Variants in DNAH10 observed in about 807,000 individuals in gnomAD.
DNAH10 encodes the protein dynein axonemal heavy chain 10.
In DNAH10, 348 loss-of-function variants were observed where a neutral mutation model predicts 506.6. The observed-to-expected ratio is 0.69, with a 90% confidence interval of 0.63 to 0.75. The LOEUF (loss-of-function observed/expected upper bound fraction) is 0.75. DNAH10 is among the 30% of genes least tolerant of loss of function. The pLI is 0.00. For synonymous variants in DNAH10, 2,059 were observed against 2,198.6 expected (o/e 0.94, Z 1.78); for missense variants, 5,179 against 5,787.1 (o/e 0.89, Z 3.41).
intron 53 of DNAH10, among the ~76,000 whole-genome samples, chr12:123,894,151 C>G (rs529184920): frequency 7.2e-6 from 1 of 139,458 alleles, no homozygotes; most frequent in Admixed American, 7.8e-5. Context: ...AGTGCAGTGG[C>G]ACCATCATAG....
intron 65 of DNAH10, 127 bp from the exon 66 acceptor site, chr12:123,923,636 G>A: frequency 1.6e-6 from 1 of 609,974 alleles, no homozygotes; most frequent in Non-Finnish European, 2.8e-6. Flanking sequence ...GGTGCAAAGA[G>A]GGGTAAATGC....
At chr12:123,773,750 C>T (rs1180703498) in intron 4 of DNAH10, among the ~76,000 whole-genome samples, 2 of 152,180 alleles carry the variant, frequency 1.3e-5, no homozygotes, top group African/African-American at 2.4e-5. Flanking sequence ...TACCAAAGGC[C>T]CCACCTTCTA....
chr12:123,764,470 A>G (rs956401747), intron 1 of DNAH10, among the ~76,000 whole-genome samples: 1 of 152,168 alleles, frequency 6.6e-6, no homozygotes, highest in Non-Finnish European at 1.5e-5. Context: ...CCACCACTGC[A>G]GGAACTCGGG....
chr12:123,789,085 G>T (rs1175766741), intron 10 of DNAH10, among the ~76,000 whole-genome samples: 2 of 151,766 alleles, frequency 1.3e-5, no homozygotes, highest in Non-Finnish European at 2.9e-5. Context: ...CTGTCTCTAT[G>T]AAAAATACAA....
rs1594432807 is a variant in DNAH10, at chr12:123,935,471, A to G, written c.13760A>G (p.Asn4587Ser). Residue 4587 changes from asparagine to serine, a missense_variant, in exon 79 of 79, where the codon AAT (asparagine) becomes AGT (serine). Coordinates refer to ENST00000673944, the MANE Select transcript of DNAH10 (RefSeq NM_001372106.1). ...CTGCAAGGAGTATGCCTCACCCTGA[A>G]TTCTGATTAACCTTTGGGTGAAGAA... Reference protein sequence around the residue: ...WVLQGVCLTLNSD With the variant: ...WVLQGVCLTLSSD 1 of 1,586,172 alleles carries G rather than the reference A, an allele frequency of 6.3e-7. No individual in the cohort carries two copies. The highest frequency in any genetic ancestry group is 2.3e-5 in the East Asian group (1 of 44,128).
chr12:123,913,414 A>G lies in DNAH10; in HGVS notation c.10352+99A>G. ...ATTCTTTATCTCACGTTGTGTTTTT[A>G]TGTGAAAACCATGTGACCAGGTCTT... On this transcript the variant is annotated intron_variant, in intron 60 of 78. Transcript: ENST00000673944. This position sits in a 1 kb window ranked among gnomAD's most constrained non-coding sequence, Gnocchi z 5.1. The G allele has an allele frequency of 7.7e-7, 1 of 1,292,246 alleles. No individual in the cohort carries two copies. Among genetic ancestry groups the G allele is most frequent in the Non-Finnish European group, 1.0e-6 (1 of 961,974 alleles). The allele number at this position is 1,292,246 out of a possible 1,614,324, so 80.0% of individuals were successfully genotyped here. A position where few individuals can be genotyped will look rare whatever the true frequency, so the allele number is the denominator to read the frequency against.
Position 123,790,020 on chromosome 12 carries a change from G to T in DNAH10, c.1714G>T (p.Gly572Cys). The change falls in exon 11 of 79, where the codon GGC (glycine) becomes TGC (cysteine). Residue 572 changes from glycine (G) to cysteine (C), a missense_variant. By Grantham distance (159) the Gly-to-Cys change is radical. This residue lies in a region of DNAH10 where 4,844 missense variants were observed against 5,430.5 expected (regional missense o/e 0.89). Transcript: ENST00000673944. Reference protein sequence around the residue: ...RIDDVLCRVDGLVTPMENLTF... With the variant: ...RIDDVLCRVDCLVTPMENLTF... ...TGATGATGTCCTATGCAGAGTGGAC[G>T]GCCTAGTCACCCCCATGGAAAACCT... 1 of 1,614,144 alleles carries T rather than the reference G, an allele frequency of 6.2e-7. No individual in the cohort carries two copies. Among genetic ancestry groups the T allele is most frequent in the Non-Finnish European group, 8.5e-7 (1 of 1,180,042 alleles).
chr12:123,810,688 G>C (rs374816351), intron 19 of DNAH10, among the ~76,000 whole-genome samples: 1 of 151,042 alleles, frequency 6.6e-6, no homozygotes, highest in Non-Finnish European at 1.5e-5. Flanking sequence ...GTGAGACTCC[G>C]TCTCAAAAAA....
At chr12:123,769,738 A>G (rs565591597) in intron 2 of DNAH10, among the ~76,000 whole-genome samples, 1 of 152,084 alleles carries the variant, frequency 6.6e-6, no homozygotes, top group South Asian at 2.1e-4. Flanking sequence ...TCTATGTGGC[A>G]TTAAGTACAT....
intron 18 of DNAH10, among the ~76,000 whole-genome samples, chr12:123,807,073 A>G (rs551928723): frequency 4.6e-5 from 7 of 151,944 alleles, no homozygotes; most frequent in Non-Finnish European, 7.4e-5. Flanking sequence ...TGGCCCTGCT[A>G]TGTTTTCTTT....
intron 53 of DNAH10, 100 bp downstream of exon 53, chr12:123,893,536 AC>A (rs1451928123): frequency 7.4e-7 from 1 of 1,358,068 alleles, no homozygotes; most frequent in Non-Finnish European, 1.0e-6. Flanking sequence ...GCAAAGCAAA[AC>A]AAGACACGGC....
intron 10 of DNAH10, among the ~76,000 whole-genome samples, chr12:123,788,564 G>T (rs972498751): frequency 6.6e-6 from 1 of 152,180 alleles, no homozygotes; most frequent in African/African-American, 2.4e-5. Flanking sequence ...CGGCTGCGGT[G>T]TGGCAGTGCC....
rs1955158746 is a variant in DNAH10 at position 123,930,574 on chromosome 12, G to T, written c.12784+1G>T. 6.2e-7 allele frequency: 1 copy of T among 1,605,278 alleles called. No individual in the cohort carries two copies. The highest frequency in any genetic ancestry group is 1.3e-5 in the African/African-American group (1 of 74,128). ...GGTGATGAAAAGGAGAAATTTGTTGGTGAGATTTCTCAGACATGAAAAGAT... is the reference window on the plus strand; with the variant it reads ...GGTGATGAAAAGGAGAAATTTGTTGTTGAGATTTCTCAGACATGAAAAGAT... On this transcript the variant is annotated splice_donor_variant, in intron 73 of 78. Transcript: ENST00000673944. LOFTEE classifies it high-confidence loss of function.
At position 123,928,522 on chromosome 12, in the gene DNAH10, C is replaced by T. The variant is rs755346965; in HGVS notation, c.12241C>T (p.Arg4081Cys). The T allele has an allele frequency of 1.3e-5, 21 of 1,611,334 alleles. No homozygotes were observed. Among genetic ancestry groups the T allele is most frequent in the Non-Finnish European group, 1.8e-5 (21 of 1,178,822 alleles). Residue 4081 changes from arginine to cysteine, a missense_variant, in exon 70 of 79, where the codon CGC (arginine) becomes TGC (cysteine). By Grantham distance (180) the Arg-to-Cys change is radical (BLOSUM62 -3). Transcript: ENST00000673944. The surrounding 1 kb of genome is among the most constrained non-coding windows in gnomAD (Gnocchi z 4.9). ...ERITKPHPDF[R>C]LWLTTDPTKG... is the part of the protein sequence containing the mutation. Reference sequence around the variant, plus strand: ...GATCACCAAGCCCCACCCAGACTTCCGCCTGTGGCTCACCACGGACCCCAC... The same window carrying T: ...GATCACCAAGCCCCACCCAGACTTCTGCCTGTGGCTCACCACGGACCCCAC...
At chr12:123,768,134 TCC>T (rs1957116623) in intron 2 of DNAH10, among the ~76,000 whole-genome samples, 1 of 143,944 alleles carries the variant, frequency 6.9e-6, no homozygotes, top group African/African-American at 2.5e-5. Context: ...CTCCTCCTCC[TCC>T]TCCTCCTTTT....
chr12:123,921,490 C>T (rs1954720045), intron 65 of DNAH10, among the ~76,000 whole-genome samples: 2 of 152,152 alleles, frequency 1.3e-5, no homozygotes, highest in East Asian at 1.9e-4. Context: ...GATCTGACGG[C>T]TTGTCAAACA....
At chr12:123,868,272 G>GAAC (rs1951891614) in intron 43 of DNAH10, among the ~76,000 whole-genome samples, 153 bp downstream of exon 43, 2 of 152,266 alleles carry the variant, frequency 1.3e-5, no homozygotes, top group East Asian at 3.9e-4. Context: ...GCACATGGCG[G>GAAC]AACACCCAGG....
intron 3 of DNAH10, 32 bp from the exon 4 acceptor site, chr12:123,772,802 A>G: frequency 6.6e-7 from 1 of 1,520,504 alleles, no homozygotes; most frequent in Non-Finnish European, 9.0e-7. Flanking sequence ...ATGTATCACA[A>G]GAATGAATGG....
intron 33 of DNAH10, 88 bp downstream of exon 33, chr12:123,848,183 T>C: frequency 1.3e-6 from 2 of 1,516,978 alleles, no homozygotes; most frequent in Non-Finnish European, 1.8e-6. Context: ...GTCTTTGACA[T>C]GGCGACAGTG....
Sources: gnomAD v4.1 joint callset for allele counts (sites outside exome capture counted in the v4.1 genomes callset) on GRCh38, gnomAD v4.1.1 for gene constraint, gnomAD v4.1.1 regional missense constraint, Gnocchi (gnomAD v3.1) non-coding constraint, MANE v1.5 for transcripts, NCBI Gene and HGNC (gene_info 2026-07-23, HGNC 2026-07-21) for gene names.